The following FH variants were observed in gnomAD, a reference collection of about 807,000 sequenced individuals.
FH encodes fumarate hydratase, also known as fumarate hydratase, mitochondrial.
A neutral mutation model predicts 49.4 loss-of-function variants in FH; 22 were observed. The ratio of observed to expected loss-of-function variants is 0.45; its 90% confidence interval spans 0.32 to 0.64. The LOEUF (loss-of-function observed/expected upper bound fraction) is 0.64, where lower values mean the gene tolerates loss of function less well. Ranked by LOEUF, FH falls within the 30% of genes least tolerant of loss-of-function variation. The pLI, the probability that FH is intolerant of heterozygous loss-of-function variation, is 0.05. For missense variants in FH, 526 were observed against 641.5 expected, an observed-to-expected ratio of 0.82 and a Z score of 1.95; for synonymous variants, 208 against 223.0, an observed-to-expected ratio of 0.93 and a Z score of 0.60.
chr1:241,508,477 A>G, intron 5 of FH, 126 bp downstream of exon 5: 2 of 767,306 alleles, frequency 2.6e-6, no homozygotes, highest in Non-Finnish European at 4.7e-6. Context: ...GGTTGAACAG[A>G]ACAACCTCTG....
At chr1:241,505,210 C>T (rs1659881401) in intron 6 of FH, among the ~76,000 whole-genome samples, 1 of 152,010 alleles carries the variant, frequency 6.6e-6, no homozygotes, top group African/African-American at 2.4e-5. Flanking sequence ...CATGTCCGGC[C>T]CCTAATACAA....
At position 241,519,744 on chromosome 1, in the gene FH, G is replaced by C; in HGVS notation, c.-22C>G. 1 of 1,520,502 alleles carries C rather than the reference G, an allele frequency of 6.6e-7. No individual in the cohort carries two copies. The highest frequency in any genetic ancestry group is 8.9e-7 in the Non-Finnish European group (1 of 1,128,958). The allele number at this position is 1,520,502 out of a possible 1,614,324, so 94.2% of individuals were successfully genotyped here. A position where few individuals can be genotyped will look rare whatever the true frequency, so the allele number is the denominator to read the frequency against. On this transcript the variant is annotated 5_prime_UTR_variant, in exon 1 of 10. Coordinates refer to ENST00000366560, the MANE Select transcript of FH (RefSeq NM_000143.4). ...ACATGGTGCTGAGGGAGCTTGGGTAGAATTTCTGGGCGGCTGTGGCCACGC... is the reference window on the plus strand; with the variant it reads ...ACATGGTGCTGAGGGAGCTTGGGTACAATTTCTGGGCGGCTGTGGCCACGC...
intron 2 of FH, among the ~76,000 whole-genome samples, chr1:241,515,820 C>T (rs966033860): frequency 7.2e-5 from 11 of 152,136 alleles, no homozygotes; most frequent in Admixed American, 7.2e-4. Flanking sequence ...ATCTTGTAAT[C>T]AATGGTAAGT....
chr1:241,504,669 T>C (rs993658341), intron 6 of FH, among the ~76,000 whole-genome samples: 2 of 152,052 alleles, frequency 1.3e-5, no homozygotes, highest in African/African-American at 4.8e-5. Flanking sequence ...CTCAAACTCC[T>C]AGGCTCTAGC....
At chr1:241,500,988 G>T (rs905467904) in intron 8 of FH, among the ~76,000 whole-genome samples, 1 of 152,116 alleles carries the variant, frequency 6.6e-6, no homozygotes, top group Admixed American at 6.6e-5. Context: ...AATCTTCCAC[G>T]CAGAAGGAAG....
At chr1:241,513,751 T>G in intron 2 of FH, 38 bp from the exon 3 acceptor site, 1 of 1,541,600 alleles carries the variant, frequency 6.5e-7, no homozygotes, top group Non-Finnish European at 9.0e-7. Context: ...ATTTACAATT[T>G]TACTTAAGCA....
chr1:241,500,123 C>G (rs544588938), intron 9 of FH, among the ~76,000 whole-genome samples: 2 of 152,268 alleles, frequency 1.3e-5, no homozygotes, highest in South Asian at 4.1e-4. Flanking sequence ...GAAGGTCTTA[C>G]AAATAACCTT....
Position 241,519,618 on chromosome 1 carries a change from C to G in FH, c.105G>C (p.Ser35=), listed in dbSNP as rs181655698. ...APGLGGAAVP[S]FWPPNAARMA... Reference sequence around the variant, plus strand: ...TTCGAGCCGCGTTCGGAGGCCAAAACGAGGGCACGGCCGCGCCACCCAAGC... The same window carrying G: ...TTCGAGCCGCGTTCGGAGGCCAAAAGGAGGGCACGGCCGCGCCACCCAAGC... Residue 35 remains serine (S), a synonymous_variant, in exon 1 of 10, where the codon TCG becomes TCC. Coordinates refer to ENST00000366560, the MANE Select transcript of FH (RefSeq NM_000143.4). The G allele has an allele frequency of 9.0e-6, 14 of 1,547,656 alleles. No individual in the cohort carries two copies. The African/African-American group carries it at 1.8e-4, about 20-fold the overall frequency.
intron 8 of FH, 137 bp from the exon 9 acceptor site, chr1:241,500,727 T>G (rs1659758492): frequency 1.4e-5 from 17 of 1,244,904 alleles, no homozygotes; most frequent in Non-Finnish European, 1.8e-5. Context: ...ATATAGATCT[T>G]CTACAAATTT....
chr1:241,514,350 C>T (rs1225097447), intron 2 of FH, among the ~76,000 whole-genome samples: 2 of 152,150 alleles, frequency 1.3e-5, no homozygotes, highest in Non-Finnish European at 2.9e-5. Flanking sequence ...CCAAGATTCT[C>T]CAGACCTAAA....
chr1:241,513,842 G>A lies in FH; in HGVS notation c.268-129C>T. 3 of 701,560 alleles carry A rather than the reference G, an allele frequency of 4.3e-6. No individual in the cohort carries two copies. In the South Asian group the frequency reaches 5.1e-5, roughly 12 times the overall value. 43.5% of individuals were successfully genotyped at this position (701,560 alleles called of 1,614,324 possible). A position where few individuals can be genotyped will look rare whatever the true frequency, so the allele number is the denominator to read the frequency against. On this transcript the variant is annotated intron_variant, in intron 2 of 9. Coordinates refer to ENST00000366560, the MANE Select transcript of FH (RefSeq NM_000143.4). Reference sequence around the variant, plus strand: ...AACAGTAACACTATAGCTCTAAAATGTTTCGGTTATAGAGAAAGATTATAG... The same window carrying A: ...AACAGTAACACTATAGCTCTAAAATATTTCGGTTATAGAGAAAGATTATAG...
chr1:241,512,328 T>A (rs758543914), intron 3 of FH, among the ~76,000 whole-genome samples, 185 bp from the exon 4 acceptor site: 1 of 152,154 alleles, frequency 6.6e-6, no homozygotes, highest in Non-Finnish European at 1.5e-5. Flanking sequence ...TGGTTTCAAA[T>A]GAAAAGGGAA....
chr1:241,514,811 G>A (rs921338156), intron 2 of FH, among the ~76,000 whole-genome samples: 2 of 152,134 alleles, frequency 1.3e-5, no homozygotes, highest in Admixed American at 6.5e-5. Flanking sequence ...GAGGACAGAT[G>A]GCACACAGGA....
chr1:241,507,369 C>T (rs1659957169), intron 5 of FH, among the ~76,000 whole-genome samples: 2 of 151,812 alleles, frequency 1.3e-5, no homozygotes, highest in South Asian at 4.1e-4. Context: ...ATGAAATTGC[C>T]TAAGGATGCA....
rs117710356 is a variant in FH at position 241,509,408 on chromosome 1, G to A, written c.556-623C>T. 6.8e-4 allele frequency among the ~76,000 whole-genome samples: 104 copies of A among 152,232 alleles called. 1 individual carries two copies. The East Asian group carries it at 0.018, about 27-fold the overall frequency. On this transcript the variant is annotated intron_variant, in intron 4 of 9. Transcript: ENST00000366560. ...ATAAATGCCAAAATATTTAGCAACT[G>A]GCAAACCTGAGACCTAGCCAGGTAG...
intron 8 of FH, 55 bp downstream of exon 8, chr1:241,502,388 A>T: frequency 6.2e-7 from 1 of 1,608,460 alleles, no homozygotes; most frequent in Non-Finnish European, 8.5e-7. Context: ...GAAATACAAA[A>T]CCAAGATAAT....
At position 241,497,725 on chromosome 1, in the gene FH, A is replaced by T; in HGVS notation, c.*103T>A. The T allele has an allele frequency of 9.4e-7, 1 of 1,067,286 alleles. No individual in the cohort carries two copies. Among genetic ancestry groups the T allele is most frequent in the Non-Finnish European group, 1.4e-6 (1 of 728,040 alleles). 66.1% of individuals were successfully genotyped at this position (1,067,286 alleles called of 1,614,324 possible). Reference sequence around the variant, plus strand: ...TCAAATTGCTCTGCTAGAGATGCTTAAGTTCAATAGCAGTTTCCTTTCAAA... The same window carrying T: ...TCAAATTGCTCTGCTAGAGATGCTTTAGTTCAATAGCAGTTTCCTTTCAAA... On this transcript the variant is annotated 3_prime_UTR_variant, in exon 10 of 10. Transcript: ENST00000366560.
At chr1:241,503,647 C>T (rs1289797657) in intron 7 of FH, among the ~76,000 whole-genome samples, 1 of 152,258 alleles carries the variant, frequency 6.6e-6, no homozygotes, top group Non-Finnish European at 1.5e-5. Context: ...CAATGACTAT[C>T]ATGCGAATCT....
intron 1 of FH, among the ~76,000 whole-genome samples, chr1:241,518,899 A>G (rs1200676644): frequency 1.3e-5 from 2 of 152,230 alleles, no homozygotes; most frequent in Admixed American, 6.5e-5. Flanking sequence ...GTACCGATTC[A>G]GCTCCTAGCC....
Sources: allele counts gnomAD v4.1 joint callset (sites outside exome capture counted in the v4.1 genomes callset), GRCh38; gene constraint gnomAD v4.1.1; transcripts MANE v1.5; gene names NCBI Gene and HGNC (gene_info 2026-07-23, HGNC 2026-07-21).